Variants in TULP4 observed in about 807,000 individuals in gnomAD.
The protein encoded by TULP4 is TUB like protein 4, also known as tubby-related protein 4.
Under a neutral mutation model 129.0 loss-of-function variants are expected in TULP4, and 16 were observed. The ratio of observed to expected loss-of-function variants is 0.12; its 90% CI spans 0.08 to 0.19. The LOEUF is 0.19. TULP4 is among the 10% of genes least tolerant of loss of function. TULP4 has a pLI of 1.00. For synonymous variants in TULP4, 998 were observed against 854.0 expected, an observed-to-expected ratio of 1.17 and a Z score of -2.94; for missense variants, 1,842 against 2,059.1, an observed-to-expected ratio of 0.89 and a Z score of 2.04.
chr6:158,493,553 TC>T lies in TULP4; in HGVS notation c.1632-18del. On this transcript the variant is annotated intron_variant, in intron 9 of 13. Transcript: ENST00000367097. The surrounding 1 kb of genome is among the most constrained non-coding windows in gnomAD (Gnocchi z 4.4). ...ATTCCCGCCACGGATGCCTGACCCC[TC>T]CTGGCCTTGCCTCCCCAGGATCAGC... The T allele has an allele frequency of 6.8e-7, 1 of 1,475,406 alleles. No individual in the cohort carries two copies. Among genetic ancestry groups the T allele is most frequent in the Non-Finnish European group, 9.0e-7 (1 of 1,111,716 alleles). The allele number at this position is 1,475,406 out of a possible 1,614,324, so 91.4% of individuals were successfully genotyped here.
At chr6:158,308,896 ACCTC>A (rs1415844143), upstream of TULP4, among the ~76,000 whole-genome samples, 1 of 101,104 alleles carries the variant, frequency 9.9e-6, no homozygotes, top group Non-Finnish European at 2.0e-5. Flanking sequence ...TGACCCCCCC[ACCTC>A]CCTCCCGGAC....
rs1582886054 is a variant in TULP4, at chr6:158,503,240, G to A, written c.3577G>A (p.Gly1193Arg). 1 of 1,614,044 alleles carries A rather than the reference G, an allele frequency of 6.2e-7. No individual in the cohort carries two copies. The highest frequency in any genetic ancestry group is 8.5e-7 in the Non-Finnish European group (1 of 1,180,014). ...CTATGGGATGGGAGTGCCATATCCA[G>A]GAAGCTATAACAACCCCCCTTTGCC... is the stretch of plus-strand genomic sequence containing the variant. ...TGYGMGVPYP[G>R]SYNNPPLPGV... The change falls in exon 13 of 14, where the codon GGA becomes AGA. Residue 1193 changes from glycine (G) to arginine (R), a missense_variant. Gly to Arg is a moderately radical substitution (Grantham distance 125, BLOSUM62 -2). Coordinates refer to ENST00000367097, the MANE Select transcript of TULP4 (RefSeq NM_020245.5). The surrounding 1 kb of genome is among the most constrained non-coding windows in gnomAD (Gnocchi z 4.3).
At chr6:158,435,502 C>T (rs905272374) in intron 3 of TULP4, among the ~76,000 whole-genome samples, 2 of 152,178 alleles carry the variant, frequency 1.3e-5, no homozygotes, top group Non-Finnish European at 2.9e-5. Context: ...TCGCTGTCAT[C>T]TCCCTCCCCG....
At chr6:158,299,623 T>TAG (rs1779099637) in intron 1 of TULP4, among the ~76,000 whole-genome samples, 1 of 152,160 alleles carries the variant, frequency 6.6e-6, no homozygotes, top group African/African-American at 2.4e-5. Context: ...GAGGAGGGCA[T>TAG]TTATAACCCA....
chr6:158,362,669 T>C (rs1325111805), intron 1 of TULP4, among the ~76,000 whole-genome samples: 1 of 152,204 alleles, frequency 6.6e-6, no homozygotes, highest in Non-Finnish European at 1.5e-5. Context: ...TTCATAATTA[T>C]ATTTATACTT....
intron 1 of TULP4, among the ~76,000 whole-genome samples, chr6:158,240,036 G>T (rs1211468821): frequency 2.0e-5 from 2 of 102,500 alleles, no homozygotes; most frequent in African/African-American, 7.0e-5. Context: ...CTGGCCGGGC[G>T]GGGGGCTGAC....
intron 2 of TULP4, among the ~76,000 whole-genome samples, chr6:158,422,185 A>T (rs1778359401): frequency 6.6e-6 from 1 of 152,234 alleles, no homozygotes; most frequent in African/African-American, 2.4e-5. Flanking sequence ...CAAATCCAAA[A>T]ATTAGTTCTT....
At chr6:158,379,599 G>C (rs1777277632) in intron 1 of TULP4, among the ~76,000 whole-genome samples, 1 of 152,184 alleles carries the variant, frequency 6.6e-6, no homozygotes. Context: ...AGTGTTTCAA[G>C]CGATAACCTC....
intron 1 of TULP4, among the ~76,000 whole-genome samples, chr6:158,383,424 C>A (rs1451300021): frequency 6.6e-6 from 1 of 152,086 alleles, no homozygotes; most frequent in African/African-American, 2.4e-5. Context: ...GTGGCACACA[C>A]AACAATTAGT....
chr6:158,433,690 G>A (rs1778687010), intron 3 of TULP4, among the ~76,000 whole-genome samples: 1 of 152,194 alleles, frequency 6.6e-6, no homozygotes, highest in Non-Finnish European at 1.5e-5. Flanking sequence ...CTGGTAACAA[G>A]AGGGAAACTC....
chr6:158,288,861 TTACTC>T (rs1778878371), intron 1 of TULP4, among the ~76,000 whole-genome samples: 1 of 152,232 alleles, frequency 6.6e-6, no homozygotes, highest in African/African-American at 2.4e-5. Flanking sequence ...TCCCTGCTCT[TTACTC>T]TTTTAGTATG....
intron 3 of TULP4, among the ~76,000 whole-genome samples, chr6:158,435,253 G>A (rs1174365944): frequency 1.3e-5 from 2 of 152,194 alleles, no homozygotes; most frequent in Non-Finnish European, 2.9e-5. Context: ...AGTATCTTGT[G>A]TATGTCTTCC....
In TULP4 at chr6:158,506,825, C is replaced by G. The variant is rs1780616252; in HGVS notation, c.*131C>G. 1.5e-6 allele frequency: 1 copy of G among 662,578 alleles called. No homozygotes were observed. The highest frequency in any genetic ancestry group is 1.8e-5 in the African/African-American group (1 of 55,336). 41.0% of individuals were successfully genotyped at this position (662,578 alleles called of 1,614,324 possible). On this transcript the variant is annotated 3_prime_UTR_variant, in exon 14 of 14. Transcript: ENST00000367097. ...CAACAGCAAAACTGGAAAAGCCCGG[C>G]AGGCCCAGGAGAGGGCGCTGACCTG...
chr6:158,455,072 T>A lies in TULP4; in HGVS notation c.859+2804T>A, dbSNP rs1490078568. Among the ~76,000 whole-genome samples the A allele has an allele frequency of 5.4e-3, 122 of 22,742 alleles. 50 individuals carry two copies. Among genetic ancestry groups the A allele is most frequent in the African/African-American group, 0.049 (110 of 2,232 alleles). 14.9% of individuals were successfully genotyped at this position (22,742 alleles called of 152,430 possible). ...AATTTAACATTTTTTTTTTTTTTTTTTTTTTTTTTTTTTGAGACGGAGTCT... is the reference window on the plus strand; with the variant it reads ...AATTTAACATTTTTTTTTTTTTTTTATTTTTTTTTTTTTGAGACGGAGTCT... On this transcript the variant is annotated intron_variant, in intron 5 of 13. Coordinates refer to ENST00000367097, the MANE Select transcript of TULP4 (RefSeq NM_020245.5).
At chr6:158,381,266 C>A (rs1777319504) in intron 1 of TULP4, among the ~76,000 whole-genome samples, 1 of 151,678 alleles carries the variant, frequency 6.6e-6, no homozygotes, top group Non-Finnish European at 1.5e-5. Flanking sequence ...ATAATATCAT[C>A]TGAGCGTCTG....
intron 1 of TULP4, among the ~76,000 whole-genome samples, chr6:158,336,476 G>C (rs941319454): frequency 1.1e-4 from 16 of 152,048 alleles, no homozygotes; most frequent in African/African-American, 3.9e-4. Context: ...TGGATTTTGA[G>C]TCATAATTGG....
At chr6:158,280,881 A>G (rs1778736971), upstream of TULP4, among the ~76,000 whole-genome samples, 1 of 152,240 alleles carries the variant, frequency 6.6e-6, no homozygotes. Flanking sequence ...CAGTGAATGA[A>G]TAAATGGACA....
At chr6:158,425,359 C>T (rs1261331541) in intron 2 of TULP4, among the ~76,000 whole-genome samples, 1 of 150,100 alleles carries the variant, frequency 6.7e-6, no homozygotes, top group East Asian at 2.0e-4. Context: ...ACTAAAAATA[C>T]AAAATTAGCC....
At chr6:158,321,035 ATTAT>A (rs1449347737) in intron 1 of TULP4, among the ~76,000 whole-genome samples, 8 of 152,106 alleles carry the variant, frequency 5.3e-5, no homozygotes, top group African/African-American at 7.2e-5. Context: ...TAGAATATCA[ATTAT>A]TTATTTATTT....
Sources: allele counts gnomAD v4.1 joint callset (sites outside exome capture counted in the v4.1 genomes callset), GRCh38; gene constraint gnomAD v4.1.1; non-coding constraint Gnocchi (gnomAD v3.1); transcripts MANE v1.5; gene names NCBI Gene and HGNC (gene_info 2026-07-23, HGNC 2026-07-21).